Variants in AKR1C4 observed in about 807,000 individuals in gnomAD.
AKR1C4 encodes aldo-keto reductase family 1 member C4.
Under a neutral mutation model 41.0 loss-of-function variants are expected in AKR1C4, and 44 were observed. The observed-to-expected ratio is 1.07, with a 90% confidence interval of 0.84 to 1.38. AKR1C4 has a LOEUF of 1.38. Among genes scored for constraint, AKR1C4 ranks in the 40% most tolerant of loss-of-function variants. The pLI, the probability that AKR1C4 is intolerant of heterozygous loss-of-function variation, is 0.00. For synonymous variants in AKR1C4, 165 were observed against 137.7 expected (o/e 1.20, Z -1.39); for missense variants, 438 against 387.9 (o/e 1.13, Z -1.09).
chr10:5,209,512 C>G (rs1832537609), intron 5 of AKR1C4, among the ~76,000 whole-genome samples: 1 of 152,068 alleles, frequency 6.6e-6, no homozygotes, highest in African/African-American at 2.4e-5. Context: ...AAAAAAATTA[C>G]TGTAATAATC....
Position 5,205,834 on chromosome 10 carries a change from G to A in AKR1C4, c.447G>A (p.Glu149=). 6.2e-7 allele frequency: 1 copy of A among 1,612,412 alleles called. No homozygotes were observed. Among genetic ancestry groups the A allele is most frequent in the Non-Finnish European group, 8.5e-7 (1 of 1,178,966 alleles). Reference sequence around the variant, plus strand: ...CAGTGGATCTCTCTGCCACATGGGAGGTGAGTGCTTGGAGGACAGAGTACA... The same window carrying A: ...CAGTGGATCTCTCTGCCACATGGGAAGTGAGTGCTTGGAGGACAGAGTACA... ...FDTVDLSATW[E]VMEKCKDAGL... is the part of the protein sequence containing the mutation. Residue 149 remains glutamate (E), a splice_region_variant and synonymous_variant, in exon 4 of 9, where the codon GAG becomes GAA. Transcript: ENST00000263126.
Position 5,196,918 on chromosome 10 carries a change from C to G in AKR1C4, c.51C>G (p.Pro17=), listed in dbSNP as rs782741828. 2.5e-6 allele frequency: 4 copies of G among 1,613,602 alleles called. No individual in the cohort carries two copies. The highest frequency in any genetic ancestry group is 2.5e-6 in the Non-Finnish European group (3 of 1,179,786). The change falls in exon 1 of 9, where the codon CCC becomes CCG. Residue 17 remains proline, a synonymous_variant. Coordinates refer to ENST00000263126, the MANE Select transcript of AKR1C4 (RefSeq NM_001818.5). ...AGCTAAATGATGGTCACTTCATGCC[C>G]GTATTGGGATTTGGCACCTATGCAC... ...RVELNDGHFM[P]VLGFGTYAPP...
At chr10:5,206,474 T>C (rs1554797502) in intron 5 of AKR1C4, 77 bp downstream of exon 5, 1 of 1,597,904 alleles carries the variant, frequency 6.3e-7, no homozygotes, top group East Asian at 2.2e-5. Flanking sequence ...TCCATTTGTT[T>C]TGTTCCACTT....
chr10:5,212,839 T>G (rs1266922025), intron 6 of AKR1C4, 114 bp downstream of exon 6: 2 of 1,403,320 alleles, frequency 1.4e-6, no homozygotes, highest in Non-Finnish European at 1.9e-6. Context: ...AGGGGATAAT[T>G]TGCATTTCTT....
intron 7 of AKR1C4, among the ~76,000 whole-genome samples, chr10:5,215,509 C>A (rs1417661985): frequency 2.6e-5 from 4 of 152,110 alleles, no homozygotes; most frequent in Admixed American, 2.0e-4. Flanking sequence ...GCTTTAAGTT[C>A]CAACATTAGG....
Position 5,200,318 on chromosome 10 carries a change from GAAGA to G in AKR1C4, c.223_226del (p.Lys75GlufsTer28). The G allele has an allele frequency of 6.2e-7, 1 of 1,614,102 alleles. No individual in the cohort carries two copies. Among genetic ancestry groups the G allele is most frequent in the Non-Finnish European group, 8.5e-7 (1 of 1,179,940 alleles). On this transcript the variant is annotated frameshift_variant, in exon 2 of 9. Transcript: ENST00000263126. LOFTEE classifies it high-confidence loss of function. ...GAAGCAAGATTGCAGATGGCAGTGTGAAGAGAGAAGACATATTCTACACTTCAAA... is the reference window on the plus strand; with the variant it reads ...GAAGCAAGATTGCAGATGGCAGTGTGGAGAAGACATATTCTACACTTCAAA...
intron 5 of AKR1C4, among the ~76,000 whole-genome samples, chr10:5,211,473 A>C (rs1011797277): frequency 1.3e-5 from 2 of 148,524 alleles, no homozygotes; most frequent in East Asian, 3.9e-4. Context: ...GCAGGGACAA[A>C]ATGTCAATTT....
Position 5,205,760 on chromosome 10 carries a change from G to A in AKR1C4, c.373G>A (p.Gly125Ser), listed in dbSNP as rs200670101. Reference protein sequence around the residue: ...LLHFPMALKPGETPLPKDENG... With the variant: ...LLHFPMALKPSETPLPKDENG... ...AAAGTGACTGCTTCTACTTCAGCCA[G>A]GTGAGACGCCACTACCAAAAGATGA... The change falls in exon 4 of 9, where the codon GGT (glycine) becomes AGT (serine). Residue 125 changes from glycine to serine, a missense_variant. Gly to Ser is a moderately conservative substitution (Grantham distance 56). Coordinates refer to ENST00000263126, the MANE Select transcript of AKR1C4 (RefSeq NM_001818.5). The A allele has an allele frequency of 3.1e-6, 5 of 1,613,136 alleles. No homozygotes were observed. In the South Asian group the frequency reaches 5.5e-5, roughly 18 times the overall value.
At chr10:5,217,072 A>G (rs1356027524) in intron 8 of AKR1C4, among the ~76,000 whole-genome samples, 1 of 152,280 alleles carries the variant, frequency 6.6e-6, no homozygotes, top group Admixed American at 6.5e-5. Flanking sequence ...TGCAACTTTC[A>G]TGTAGGCCTG....
intron 8 of AKR1C4, among the ~76,000 whole-genome samples, chr10:5,217,566 C>T (rs1287599178): frequency 1.3e-5 from 2 of 152,274 alleles, no homozygotes; most frequent in East Asian, 3.9e-4. Flanking sequence ...TTCAGACCAG[C>T]CTGGCCAAAA....
chr10:5,218,663 G>A (rs1832691525), intron 8 of AKR1C4, 55 bp from the exon 9 acceptor site: 3 of 1,443,150 alleles, frequency 2.1e-6, no homozygotes, highest in Admixed American at 1.7e-5. Context: ...TTTGCTACCA[G>A]CTTTTTAATA....
At chr10:5,198,137 T>G (rs1832339355) in intron 1 of AKR1C4, among the ~76,000 whole-genome samples, 1 of 152,216 alleles carries the variant, frequency 6.6e-6, no homozygotes, top group Non-Finnish European at 1.5e-5. Context: ...CTAAAAGAGT[T>G]GGTCTTATTT....
intron 5 of AKR1C4, among the ~76,000 whole-genome samples, chr10:5,209,660 A>G (rs1412204823): frequency 6.6e-6 from 1 of 152,224 alleles, no homozygotes; most frequent in Non-Finnish European, 1.5e-5. Context: ...AGATGATGGC[A>G]GGCAAAGAAA....
At chr10:5,210,216 G>T (rs1244630613) in intron 5 of AKR1C4, among the ~76,000 whole-genome samples, 1 of 152,198 alleles carries the variant, frequency 6.6e-6, no homozygotes, top group Non-Finnish European at 1.5e-5. Context: ...TCACATCCAG[G>T]AGTCAATGGA....
At chr10:5,212,761 A>G in intron 6 of AKR1C4, 36 bp downstream of exon 6, 3 of 1,595,064 alleles carry the variant, frequency 1.9e-6, no homozygotes, top group Non-Finnish European at 2.6e-6. Flanking sequence ...CTAAAATGCC[A>G]TTTTGATGAA....
intron 5 of AKR1C4, among the ~76,000 whole-genome samples, chr10:5,210,464 T>G (rs1832555702): frequency 1.3e-5 from 2 of 152,198 alleles, no homozygotes; most frequent in Admixed American, 6.5e-5. Flanking sequence ...AGGGACTGTG[T>G]GGGGGCTCTG....
chr10:5,200,249 T>C lies in AKR1C4; in HGVS notation c.153T>C (p.Ser51=). 1.2e-6 allele frequency: 2 copies of C among 1,614,238 alleles called. No individual in the cohort carries two copies. The highest frequency in any genetic ancestry group is 8.5e-7 in the Non-Finnish European group (1 of 1,180,000). The change falls in exon 2 of 9, where the codon TCT becomes TCC. Residue 51 remains serine, a synonymous_variant. Coordinates refer to ENST00000263126, the MANE Select transcript of AKR1C4 (RefSeq NM_001818.5). ...AIEAGFRHID[S]AYLYNNEEQV... is the part of the protein sequence containing the mutation. Reference sequence around the variant, plus strand: ...AAGCTGGCTTCCGCCATATTGATTCTGCTTATTTATACAATAATGAGGAGC... The same window carrying C: ...AAGCTGGCTTCCGCCATATTGATTCCGCTTATTTATACAATAATGAGGAGC...
At chr10:5,205,866 G>C (rs782098250) in intron 4 of AKR1C4, 32 bp downstream of exon 4, 91 of 1,587,154 alleles carry the variant, frequency 5.7e-5, no homozygotes, top group Non-Finnish European at 7.6e-5. Context: ...TACAGAAAAG[G>C]AAGACAAGAA....
rs5782814 is a variant in AKR1C4 at position 5,218,542 on chromosome 10, GAAA to G, written c.930-164_930-162del. Among the ~76,000 whole-genome samples, 1,148 of 146,544 alleles carry G rather than the reference GAAA, an allele frequency of 7.8e-3. 11 individuals are homozygous for G. The highest frequency in any genetic ancestry group is 0.029 in the South Asian group (137 of 4,646). ...TATAAGTTGAAAATTTTCTTATTTTGAAAAAAAAAAAAAACACATTATAAACTC... is the reference window on the plus strand; with the variant it reads ...TATAAGTTGAAAATTTTCTTATTTTGAAAAAAAAAAACACATTATAAACTC... On this transcript the variant is annotated intron_variant, in intron 8 of 8. Coordinates refer to ENST00000263126, the MANE Select transcript of AKR1C4 (RefSeq NM_001818.5).
Sources: allele counts gnomAD v4.1 joint callset (sites outside exome capture counted in the v4.1 genomes callset), GRCh38; gene constraint gnomAD v4.1.1; transcripts MANE v1.5; gene names NCBI Gene and HGNC (gene_info 2026-07-23, HGNC 2026-07-21).